MSH3: variants seen among roughly 807,000 people sequenced by gnomAD.
MSH3 encodes mutS homolog 3, also known as DNA mismatch repair protein Msh3.
Under a neutral mutation model 123.3 loss-of-function variants are expected in MSH3, and 106 were observed. The observed-to-expected ratio is 0.86, with a 90% CI of 0.73 to 1.01. The LOEUF is 1.01. Among genes scored for constraint, MSH3 ranks in the 50% least tolerant of loss-of-function variants. MSH3 has a pLI of 0.00. For synonymous variants in MSH3, 515 were observed against 481.4 expected (o/e 1.07, Z -0.91); for missense variants, 1,459 against 1,347.6 (o/e 1.08, Z -1.29).
At chr5:80,758,304 A>G (rs1234628995) in intron 12 of MSH3, among the ~76,000 whole-genome samples, 1 of 152,192 alleles carries the variant, frequency 6.6e-6, no homozygotes, top group Admixed American at 6.5e-5. Flanking sequence ...TGTAGTGTCT[A>G]CTACACAAAA....
At chr5:80,830,371 C>G (rs1046402799) in intron 20 of MSH3, among the ~76,000 whole-genome samples, 10 of 152,168 alleles carry the variant, frequency 6.6e-5, no homozygotes, top group African/African-American at 2.2e-4. Flanking sequence ...CCATTGTTTG[C>G]ATTTTAATTT....
At chr5:80,838,082 C>G (rs780922484) in intron 20 of MSH3, among the ~76,000 whole-genome samples, 11 of 152,182 alleles carry the variant, frequency 7.2e-5, no homozygotes, top group African/African-American at 2.7e-4. Context: ...GCAAAACATA[C>G]AACATCATAT....
intron 11 of MSH3, among the ~76,000 whole-genome samples, chr5:80,742,750 G>A (rs3797886): frequency 0.075 from 11,377 of 152,060 alleles, 828 homozygotes; most frequent in East Asian, 0.33. Context: ...GGTCTGTCTC[G>A]TCAACTCTGT....
intron 8 of MSH3, among the ~76,000 whole-genome samples, chr5:80,686,118 A>T (rs375476417): frequency 1.3e-5 from 2 of 152,306 alleles, no homozygotes; most frequent in Middle Eastern, 3.4e-3. Context: ...TAATGATCAG[A>T]TCCTCTACAT....
chr5:80,855,704 C>G (rs1745904924), intron 21 of MSH3: 1 of 152,178 alleles, frequency 6.6e-6, no homozygotes, highest in Non-Finnish European at 1.5e-5. Flanking sequence ...TCCCTGACAG[C>G]TGTACCTTCT....
At chr5:80,693,608 TATACACACACACATATACACACACAC>T (rs1750394823) in intron 8 of MSH3, among the ~76,000 whole-genome samples, 2 of 132,630 alleles carry the variant, frequency 1.5e-5, no homozygotes, top group South Asian at 4.7e-4. Flanking sequence ...AACATACATA[TATACACACACACATATACACACACAC>T]ACACACACAC....
At chr5:80,782,734 A>G (rs763920740) in intron 17 of MSH3, among the ~76,000 whole-genome samples, 6 of 152,352 alleles carry the variant, frequency 3.9e-5, no homozygotes, top group Non-Finnish European at 5.9e-5. Context: ...TGAGAGCAGC[A>G]TTGATTGTTA....
Position 80,808,878 on chromosome 5 carries a change from TATATAC to T in MSH3, c.2656-4704_2656-4699del, listed in dbSNP as rs1350093034. ...TTCTTCATATATATATATATATATA[TATATAC>T]ACAATCTAAATTCGAAGAGAGCAAT... On this transcript the variant is annotated intron_variant, in intron 19 of 23. Coordinates refer to ENST00000265081, the MANE Select transcript of MSH3 (RefSeq NM_002439.5). 9.4e-4 allele frequency among the ~76,000 whole-genome samples: 135 copies of T among 143,514 alleles called. 1 individual carries two copies. Among genetic ancestry groups the T allele is most frequent in the Non-Finnish European group, 1.8e-3 (121 of 65,792 alleles). 94.2% of individuals were successfully genotyped at this position (143,514 alleles called of 152,430 possible).
At chr5:80,729,135 G>A (rs544200350) in intron 10 of MSH3, among the ~76,000 whole-genome samples, 170 bp downstream of exon 10, 1 of 152,062 alleles carries the variant, frequency 6.6e-6, no homozygotes, top group African/African-American at 2.4e-5. Context: ...AAATATATTG[G>A]CTGGGCACGG....
At chr5:80,863,147 C>T (rs1321188664) in intron 21 of MSH3, among the ~76,000 whole-genome samples, 2 of 152,144 alleles carry the variant, frequency 1.3e-5, no homozygotes, top group African/African-American at 4.8e-5. Context: ...ATGTGATGCA[C>T]TGGGAAGGAC....
intron 13 of MSH3, among the ~76,000 whole-genome samples, chr5:80,762,804 T>TGTTAC (rs1744062187): frequency 6.9e-6 from 1 of 145,370 alleles, no homozygotes; most frequent in Non-Finnish European, 1.5e-5. Context: ...TGTTATGTTA[T>TGTTAC]GTTATGTTAT....
At chr5:80,848,915 A>T (rs551207929) in intron 20 of MSH3, among the ~76,000 whole-genome samples, 1 of 152,296 alleles carries the variant, frequency 6.6e-6, no homozygotes, top group South Asian at 2.1e-4. Context: ...TTAACTTAAA[A>T]GTCCACAGTC....
Position 80,672,310 on chromosome 5 carries a change from A to G in MSH3, c.859A>G (p.Thr287Ala), listed in dbSNP as rs1482733280. 11 of 1,614,068 alleles carry G rather than the reference A, an allele frequency of 6.8e-6. No individual in the cohort carries two copies. The highest frequency in any genetic ancestry group is 9.3e-6 in the Non-Finnish European group (11 of 1,179,976). ...CAACTTTATGACAGCAAGTATACCT[A>G]CTCACAGACTGTTTGTTCATGTACG... is the stretch of plus-strand genomic sequence containing the variant. ...DHNFMTASIP[T>A]HRLFVHVRRL... Residue 287 changes from threonine to alanine, a missense_variant, in exon 5 of 24, where the codon ACT becomes GCT. Physicochemically the swap from Thr to Ala is moderately conservative, Grantham distance 58 (BLOSUM62 0). Coordinates refer to ENST00000265081, the MANE Select transcript of MSH3 (RefSeq NM_002439.5).
At chr5:80,681,560 AATT>A (rs1370335263) in intron 8 of MSH3, among the ~76,000 whole-genome samples, 14 of 151,788 alleles carry the variant, frequency 9.2e-5, no homozygotes, top group Non-Finnish European at 1.3e-4. Flanking sequence ...AATTATGATA[AATT>A]ATGATAAATG....
chr5:80,709,437 A>G (rs959942698), intron 8 of MSH3, among the ~76,000 whole-genome samples: 5 of 152,188 alleles, frequency 3.3e-5, no homozygotes, highest in African/African-American at 4.8e-5. Flanking sequence ...CCTGGCTAAC[A>G]TGGTGAAACT....
intron 23 of MSH3, among the ~76,000 whole-genome samples, chr5:80,874,785 A>G (rs1554077528): frequency 6.6e-6 from 1 of 152,144 alleles, no homozygotes; most frequent in African/African-American, 2.4e-5. Flanking sequence ...GAGCAAAAAA[A>G]CTCTCAGATT....
chr5:80,875,266 G>C (rs1746286476), intron 23 of MSH3, among the ~76,000 whole-genome samples: 1 of 151,806 alleles, frequency 6.6e-6, no homozygotes, highest in Non-Finnish European at 1.5e-5. Context: ...TGGAACTCAG[G>C]TACTCTAGCT....
chr5:80,776,149 C>A (rs1744295196), intron 16 of MSH3, among the ~76,000 whole-genome samples: 1 of 152,160 alleles, frequency 6.6e-6, no homozygotes, highest in Non-Finnish European at 1.5e-5. Context: ...TTCAGCCTCC[C>A]AAAGTGCTGG....
chr5:80,800,724 G>C (rs778824280), intron 19 of MSH3, among the ~76,000 whole-genome samples: 1 of 152,162 alleles, frequency 6.6e-6, no homozygotes, highest in African/African-American at 2.4e-5. Flanking sequence ...TCATCTCTTT[G>C]ATCTATTTAT....
Sources: gnomAD v4.1 joint callset for allele counts (sites outside exome capture counted in the v4.1 genomes callset) on GRCh38, gnomAD v4.1.1 for gene constraint, MANE v1.5 for transcripts, NCBI Gene and HGNC (gene_info 2026-07-23, HGNC 2026-07-21) for gene names.